TAF4B: variants seen among roughly 807,000 people sequenced by gnomAD.
TAF4B encodes TATA-box binding protein associated factor 4b.
TAF4B carries 38 observed loss-of-function variants against 86.4 expected under a neutral mutation model. The observed-to-expected ratio is 0.44, with a 90% CI of 0.34 to 0.58. The LOEUF is 0.58. TAF4B is among the 20% of genes least tolerant of loss of function. The pLI, the probability that TAF4B is intolerant of heterozygous loss-of-function variation, is 0.02. For missense variants in TAF4B, 988 were observed against 1,027.6 expected (o/e 0.96, Z 0.53); for synonymous variants, 388 against 391.2 (o/e 0.99, Z 0.10).
intron 10 of TAF4B, among the ~76,000 whole-genome samples, chr18:26,316,198 G>C (rs1482085053): frequency 2.6e-5 from 4 of 151,970 alleles, no homozygotes; most frequent in Admixed American, 2.6e-4. Context: ...ACTTAAGTAA[G>C]ACCTTTATAT....
chr18:26,238,951 A>G (rs200710448), intron 1 of TAF4B, among the ~76,000 whole-genome samples: 2 of 152,146 alleles, frequency 1.3e-5, no homozygotes, highest in South Asian at 2.1e-4. Context: ...AGTATTCCAT[A>G]GTGTATATGT....
chr18:26,252,648 TA>T (rs76228180), intron 1 of TAF4B, among the ~76,000 whole-genome samples: 11,468 of 152,082 alleles, frequency 0.075, 532 homozygotes, highest in Non-Finnish European at 0.1. Flanking sequence ...ACCTACCTAT[TA>T]GTTACTTAGT....
In TAF4B at chr18:26,334,342, T is replaced by G. The variant is rs541433416; in HGVS notation, c.2260-833T>G. ...CTTTTAGCTTTTATTTAGTTAGCTA[T>G]CTAGATATTACCTTAGTTAACGAAG... On this transcript the variant is annotated intron_variant, in intron 12 of 14. Coordinates refer to ENST00000269142, the MANE Select transcript of TAF4B (RefSeq NM_005640.3). Among the ~76,000 whole-genome samples, 7 of 152,334 alleles carry G rather than the reference T, an allele frequency of 4.6e-5. No individual in the cohort carries two copies. In the South Asian group the frequency reaches 1.4e-3, roughly 32 times the overall value.
intron 1 of TAF4B, among the ~76,000 whole-genome samples, 194 bp downstream of exon 1, chr18:26,227,470 C>T (rs1046651996): frequency 1.3e-5 from 2 of 152,270 alleles, no homozygotes; most frequent in South Asian, 4.1e-4. Context: ...AATCTTTTCA[C>T]CTAAGTGATA....
intron 1 of TAF4B, among the ~76,000 whole-genome samples, chr18:26,254,177 G>A (rs1187411889): frequency 1.3e-5 from 2 of 151,376 alleles, no homozygotes; most frequent in African/African-American, 2.4e-5. Context: ...ATCTACCTAC[G>A]TTGGCCTCCC....
chr18:26,376,115 G>C (rs1598839711), intron 14 of TAF4B, among the ~76,000 whole-genome samples: 1 of 151,742 alleles, frequency 6.6e-6, no homozygotes, highest in East Asian at 1.9e-4. Context: ...TAACTTTGTA[G>C]TAAGTTTTGA....
intron 14 of TAF4B, among the ~76,000 whole-genome samples, chr18:26,379,813 A>G (rs1419900697): frequency 2.0e-5 from 3 of 152,098 alleles, no homozygotes; most frequent in Admixed American, 1.3e-4. Flanking sequence ...GGCTTCTAAT[A>G]TTGTTCCATT....
intron 6 of TAF4B, 113 bp downstream of exon 6, chr18:26,282,173 G>T (rs2056458499): frequency 1.2e-6 from 1 of 844,174 alleles, no homozygotes; most frequent in East Asian, 2.6e-5. Context: ...CTGACAGTGT[G>T]GGAGAAACCT....
At chr18:26,344,466 A>G (rs1325145026) in intron 13 of TAF4B, among the ~76,000 whole-genome samples, 1 of 152,176 alleles carries the variant, frequency 6.6e-6, no homozygotes, top group Non-Finnish European at 1.5e-5. Context: ...TCATGAAAAT[A>G]TCCTGCAGAA....
chr18:26,255,751 C>G, intron 1 of TAF4B: 1 of 1,588,572 alleles, frequency 6.3e-7, no homozygotes, highest in African/African-American at 1.3e-5. Flanking sequence ...TCTGGCTTCT[C>G]GGCAGCTGCT....
At position 26,226,674 on chromosome 18, in the gene TAF4B, G is replaced by A. The variant is rs896391814; in HGVS notation, c.-260G>A. Reference sequence around the variant, plus strand: ...CTGAGGCAGCGCACGTGTGAGCGCCGCTGAGGAAGCTGCGAGAGGTCGGGC... The same window carrying A: ...CTGAGGCAGCGCACGTGTGAGCGCCACTGAGGAAGCTGCGAGAGGTCGGGC... On this transcript the variant is annotated 5_prime_UTR_variant, in exon 1 of 15. Transcript: ENST00000269142. 1 of 361,012 alleles carries A rather than the reference G, an allele frequency of 2.8e-6. No homozygotes were observed. Among genetic ancestry groups the A allele is most frequent in the African/African-American group, 2.1e-5 (1 of 47,538 alleles). The allele number at this position is 361,012 out of a possible 1,614,324, so 22.4% of individuals were successfully genotyped here. A position where few individuals can be genotyped will look rare whatever the true frequency, so the allele number is the denominator to read the frequency against.
At chr18:26,346,873 A>ATATATATATATATG (rs1555623695) in intron 13 of TAF4B, among the ~76,000 whole-genome samples, 1 of 12,304 alleles carries the variant, frequency 8.1e-5, no homozygotes, top group African/African-American at 2.0e-4. Flanking sequence ...ATATATATAT[A>ATATATATATATATG]TGTGTATATA....
intron 3 of TAF4B, among the ~76,000 whole-genome samples, chr18:26,273,568 A>T (rs1012070900): frequency 1.3e-5 from 2 of 151,932 alleles, no homozygotes; most frequent in African/African-American, 2.4e-5. Context: ...TGTAAAGAAA[A>T]TTTTTTTCTA....
intron 1 of TAF4B, among the ~76,000 whole-genome samples, chr18:26,247,686 A>T (rs1278156764): frequency 6.6e-6 from 1 of 152,032 alleles, no homozygotes; most frequent in East Asian, 1.9e-4. Flanking sequence ...GTTCGAGACC[A>T]GCCTCGCCAA....
chr18:26,384,298 G>T (rs1355115297), intron 14 of TAF4B, among the ~76,000 whole-genome samples: 1 of 152,154 alleles, frequency 6.6e-6, no homozygotes, highest in Non-Finnish European at 1.5e-5. Flanking sequence ...CACAAATTTT[G>T]CTTTTATTAG....
intron 11 of TAF4B, among the ~76,000 whole-genome samples, chr18:26,326,254 A>G (rs2057004200): frequency 6.6e-6 from 1 of 152,190 alleles, no homozygotes; most frequent in Non-Finnish European, 1.5e-5. Context: ...AAAATTAGAA[A>G]ATATTTAGGT....
intron 13 of TAF4B, chr18:26,348,552 A>G (rs1009403315): frequency 2.0e-4 from 31 of 153,550 alleles, no homozygotes; most frequent in Non-Finnish European, 2.9e-5. Flanking sequence ...TTACAAATGT[A>G]GTGACTGTGG....
chr18:26,264,347 A>G (rs2056209714), intron 1 of TAF4B, among the ~76,000 whole-genome samples: 1 of 152,196 alleles, frequency 6.6e-6, no homozygotes, highest in African/African-American at 2.4e-5. Context: ...AGGGTGAGGC[A>G]GGAGAATCTC....
At chr18:26,383,685 G>C (rs564497565) in intron 14 of TAF4B, among the ~76,000 whole-genome samples, 1 of 152,304 alleles carries the variant, frequency 6.6e-6, no homozygotes, top group South Asian at 2.1e-4. Context: ...ATTGTAACTT[G>C]AAGCCAGTGA....
Sources: gnomAD v4.1 joint callset for allele counts (sites outside exome capture counted in the v4.1 genomes callset) on GRCh38, gnomAD v4.1.1 for gene constraint, MANE v1.5 for transcripts, NCBI Gene and HGNC (gene_info 2026-07-23, HGNC 2026-07-21) for gene names.